Variants in DOCK3 observed in about 807,000 individuals in gnomAD.
DOCK3 encodes the protein dedicator of cytokinesis protein 3.
Under a neutral mutation model 265.6 loss-of-function variants are expected in DOCK3, and 60 were observed. The ratio of observed to expected loss-of-function variants is 0.23; its 90% CI spans 0.18 to 0.28. The LOEUF (loss-of-function observed/expected upper bound fraction) is 0.28, where lower values mean the gene tolerates loss of function less well. DOCK3 is among the 10% of genes least tolerant of loss of function. The pLI, the probability that DOCK3 is intolerant of heterozygous loss-of-function variation, is 1.00. For missense variants in DOCK3, 1,981 were observed against 2,594.3 expected, an observed-to-expected ratio of 0.76 and a Z score of 5.14; for synonymous variants, 881 against 938.0, an observed-to-expected ratio of 0.94 and a Z score of 1.11.
At chr3:51,075,482 A>G (rs1560026389) in intron 7 of DOCK3, 42 bp downstream of exon 7, 8 of 1,464,032 alleles carry the variant, frequency 5.5e-6, no homozygotes, top group South Asian at 1.3e-5. Context: ...TGCATACCTC[A>G]TTTTTTCTCT....
At chr3:51,321,563 A>G (rs927432748) in intron 32 of DOCK3, among the ~76,000 whole-genome samples, 4 of 152,206 alleles carry the variant, frequency 2.6e-5, no homozygotes, top group Middle Eastern at 3.2e-3. Context: ...ACCTAATGCA[A>G]GGAAGCCAAG....
At chr3:50,810,075 C>T (rs1449475973) in intron 2 of DOCK3, among the ~76,000 whole-genome samples, 1 of 152,064 alleles carries the variant, frequency 6.6e-6, no homozygotes, top group East Asian at 1.9e-4. Flanking sequence ...TTCCAGGCTG[C>T]AGTGAGCTAT....
At chr3:51,203,318 G>A (rs1423687556) in intron 12 of DOCK3, among the ~76,000 whole-genome samples, 15 of 152,126 alleles carry the variant, frequency 9.9e-5, no homozygotes, top group African/African-American at 2.7e-4. Flanking sequence ...AATTCAGCAA[G>A]GTCTCAGGAT....
chr3:50,821,140 CTTTT>C (rs771111717), intron 2 of DOCK3, among the ~76,000 whole-genome samples: 3 of 119,464 alleles, frequency 2.5e-5, no homozygotes, highest in South Asian at 2.7e-4. Flanking sequence ...TTTCTTTTTT[CTTTT>C]TTTTTTTTTT....
At chr3:50,877,164 G>A in intron 3 of DOCK3, 1 of 287,022 alleles carries the variant, frequency 3.5e-6, no homozygotes, top group Non-Finnish European at 6.9e-6. Context: ...AAGCCACCTG[G>A]AAAAGAGCCA....
Position 51,116,199 on chromosome 3 carries a change from C to T in DOCK3, c.746+25815C>T, listed in dbSNP as rs1249129436. On this transcript the variant is annotated intron_variant, in intron 9 of 52. Transcript: ENST00000266037. The stretch of plus-strand genomic sequence containing the variant: ...AGACGTGGTGGCTCATGCCTGTAAT[C>T]CTAGCACTTTGGGAGGCCAAGGTGG... 2.0e-5 allele frequency among the ~76,000 whole-genome samples: 3 copies of T among 151,926 alleles called. No individual in the cohort carries two copies. The East Asian group carries it at 5.8e-4, about 29-fold the overall frequency.
chr3:50,719,268 C>CTT lies in DOCK3; in HGVS notation c.37+43979_37+43980dup, dbSNP rs71084106. ...CTCTCTGTTTCAGTTTAGATATTTT[C>CTT]TTTTTTTTTTTTGTTAGTTTTTATT... On this transcript the variant is annotated intron_variant, in intron 1 of 52. Transcript: ENST00000266037. Among the ~76,000 whole-genome samples the CTT allele has an allele frequency of 2.3e-3, 322 of 138,534 alleles. 2 individuals carry two copies. The highest frequency in any genetic ancestry group is 7.2e-3 in the Middle Eastern group (2 of 276). 90.9% of individuals were successfully genotyped at this position (138,534 alleles called of 152,430 possible).
At chr3:50,875,574 T>G (rs2047664169) in intron 3 of DOCK3, among the ~76,000 whole-genome samples, 1 of 152,218 alleles carries the variant, frequency 6.6e-6, no homozygotes, top group Admixed American at 6.5e-5. Flanking sequence ...GGGTTTTGTC[T>G]CTGATTTTGT....
At chr3:50,938,144 A>G (rs911467821) in intron 5 of DOCK3, among the ~76,000 whole-genome samples, 1 of 152,106 alleles carries the variant, frequency 6.6e-6, no homozygotes, top group Non-Finnish European at 1.5e-5. Context: ...AATTATACTA[A>G]TATCAGAAAA....
chr3:51,180,486 G>T (rs1055344210), intron 12 of DOCK3, among the ~76,000 whole-genome samples: 11 of 152,042 alleles, frequency 7.2e-5, no homozygotes, highest in Non-Finnish European at 1.5e-5. Flanking sequence ...CCAACTTCTG[G>T]CTGCCAACAT....
intron 3 of DOCK3, among the ~76,000 whole-genome samples, chr3:50,866,548 CT>C (rs2047155904): frequency 6.7e-6 from 1 of 149,874 alleles, no homozygotes. Flanking sequence ...AAATTTTCTT[CT>C]AGTAGTTTTG....
intron 4 of DOCK3, among the ~76,000 whole-genome samples, chr3:50,910,859 C>G (rs2049816361): frequency 1.3e-5 from 2 of 152,112 alleles, no homozygotes; most frequent in Admixed American, 1.3e-4. Context: ...AAACCAGGTG[C>G]TCTGTCCACT....
intron 5 of DOCK3, among the ~76,000 whole-genome samples, chr3:51,000,771 G>T (rs1234833838): frequency 6.6e-6 from 1 of 152,116 alleles, no homozygotes; most frequent in African/African-American, 2.4e-5. Context: ...TCCTGCCTCA[G>T]CCTCCCGAGT....
At chr3:50,797,653 G>C (rs1016614542) in intron 2 of DOCK3, among the ~76,000 whole-genome samples, 5 of 152,134 alleles carry the variant, frequency 3.3e-5, no homozygotes, top group Non-Finnish European at 7.4e-5. Flanking sequence ...GCATATAAGG[G>C]TTCTGTTTTC....
chr3:50,849,389 T>TACAC (rs889009272), intron 3 of DOCK3, among the ~76,000 whole-genome samples: 1 of 150,720 alleles, frequency 6.6e-6, no homozygotes, highest in African/African-American at 2.4e-5. Flanking sequence ...TACACATATA[T>TACAC]ACACACACAC....
At chr3:51,353,899 G>A (rs533275234) in intron 40 of DOCK3, among the ~76,000 whole-genome samples, 1 of 152,238 alleles carries the variant, frequency 6.6e-6, no homozygotes, top group Admixed American at 6.5e-5. Flanking sequence ...CATCACCAGT[G>A]GGTTTCAGGG....
chr3:51,017,345 AT>A (rs143129542), intron 5 of DOCK3, among the ~76,000 whole-genome samples: 65 of 150,614 alleles, frequency 4.3e-4, no homozygotes, highest in Non-Finnish European at 8.9e-4. Flanking sequence ...GATCATTTGT[AT>A]TTTTTTTAAA....
chr3:50,779,744 T>G (rs1174277645), intron 2 of DOCK3, among the ~76,000 whole-genome samples: 1 of 152,240 alleles, frequency 6.6e-6, no homozygotes, highest in African/African-American at 2.4e-5. Flanking sequence ...TATATGGGTA[T>G]TTCTACTGTA....
At chr3:51,172,488 T>C (rs1396036989) in intron 12 of DOCK3, among the ~76,000 whole-genome samples, 5 of 152,168 alleles carry the variant, frequency 3.3e-5, no homozygotes, top group Non-Finnish European at 7.4e-5. Context: ...AATATCTTTT[T>C]TCATCACTTC....
Sources: gnomAD v4.1 joint callset for allele counts (sites outside exome capture counted in the v4.1 genomes callset) on GRCh38, gnomAD v4.1.1 for gene constraint, MANE v1.5 for transcripts, NCBI Gene and HGNC (gene_info 2026-07-23, HGNC 2026-07-21) for gene names.